The following SPIDR variants were observed in gnomAD, a reference collection of about 807,000 sequenced individuals.
SPIDR encodes the protein scaffold protein involved in DNA repair.
A neutral mutation model predicts 104.6 loss-of-function variants in SPIDR; 93 were observed. The observed-to-expected ratio is 0.89, with a 90% CI of 0.75 to 1.06. The LOEUF (loss-of-function observed/expected upper bound fraction) is 1.06. Ranked by LOEUF, SPIDR falls within the 50% of genes least tolerant of loss-of-function variation. SPIDR has a pLI of 0.00. For synonymous variants in SPIDR, 431 were observed against 416.9 expected, an observed-to-expected ratio of 1.03 and a Z score of -0.41; for missense variants, 1,154 against 1,111.2, an observed-to-expected ratio of 1.04 and a Z score of -0.55.
intron 5 of SPIDR, among the ~76,000 whole-genome samples, chr8:47,333,012 C>G (rs751074995): frequency 2.7e-5 from 4 of 150,694 alleles, no homozygotes; most frequent in Non-Finnish European, 5.9e-5. Flanking sequence ...TAATTAGATC[C>G]CATTTGTCAA....
intron 8 of SPIDR, among the ~76,000 whole-genome samples, chr8:47,502,077 A>G (rs2080568330): frequency 6.6e-6 from 1 of 152,122 alleles, no homozygotes; most frequent in South Asian, 2.1e-4. Context: ...GTCGATGTGC[A>G]TCAAGGATAT....
Position 47,514,143 on chromosome 8 carries a change from G to A in SPIDR, c.1097+73601G>A, listed in dbSNP as rs534183125. On this transcript the variant is annotated intron_variant, in intron 8 of 19. Coordinates refer to ENST00000297423, the MANE Select transcript of SPIDR (RefSeq NM_001080394.4). ...CTGACAGGAGTACAGAGAAAAACTA[G>A]CATTTGTTGCCTTTAATATGCCTGC... is the stretch of plus-strand genomic sequence containing the variant. Among the ~76,000 whole-genome samples the A allele has an allele frequency of 3.3e-5, 5 of 152,226 alleles. No individual in the cohort carries two copies. The South Asian group carries it at 8.3e-4, about 25-fold the overall frequency.
intron 5 of SPIDR, among the ~76,000 whole-genome samples, chr8:47,302,957 C>G (rs1554578734): frequency 6.6e-6 from 1 of 152,344 alleles, no homozygotes; most frequent in Non-Finnish European, 1.5e-5. Context: ...GGGAGAACCA[C>G]TACTCTCTTC....
intron 5 of SPIDR, among the ~76,000 whole-genome samples, chr8:47,300,910 G>C (rs1554576890): frequency 6.6e-4 from 100 of 152,270 alleles, no homozygotes; most frequent in Non-Finnish European, 1.2e-3. Context: ...GTACTGAGAA[G>C]AATGTGTATT....
chr8:47,548,553 CA>C lies in SPIDR; in HGVS notation c.1098-47257del, dbSNP rs1355930432. 2.0e-5 allele frequency among the ~76,000 whole-genome samples: 3 copies of C among 152,212 alleles called. No homozygotes were observed. The East Asian group carries it at 5.8e-4, about 29-fold the overall frequency. Reference sequence around the variant, plus strand: ...ATCCCAGCTACTCGGGAGGCTGAGGCAGGAGAATCACTTGAACCTGGGAGGC... The same window carrying C: ...ATCCCAGCTACTCGGGAGGCTGAGGCGGAGAATCACTTGAACCTGGGAGGC... On this transcript the variant is annotated intron_variant, in intron 8 of 19. Transcript: ENST00000297423.
chr8:47,571,303 A>G (rs988305288), intron 8 of SPIDR, among the ~76,000 whole-genome samples: 2 of 152,202 alleles, frequency 1.3e-5, no homozygotes, highest in Admixed American at 6.5e-5. Flanking sequence ...AAGCATACAC[A>G]TAGAACATGT....
At chr8:47,373,330 G>C (rs1367247864) in intron 5 of SPIDR, among the ~76,000 whole-genome samples, 1 of 152,076 alleles carries the variant, frequency 6.6e-6, no homozygotes, top group Non-Finnish European at 1.5e-5. Flanking sequence ...AAACATTTCT[G>C]ATCCAAGCAA....
At chr8:47,659,829 CT>C in intron 10 of SPIDR, 1 of 646,740 alleles carries the variant, frequency 1.5e-6, no homozygotes, top group Non-Finnish European at 1.9e-6. Flanking sequence ...CTTTGTTGAT[CT>C]TTAGAGGCTG....
At chr8:47,476,756 C>T (rs1276413069) in intron 8 of SPIDR, among the ~76,000 whole-genome samples, 1 of 152,182 alleles carries the variant, frequency 6.6e-6, no homozygotes, top group African/African-American at 2.4e-5. Context: ...TACCAGGATT[C>T]ACAGAATGCA....
intron 8 of SPIDR, among the ~76,000 whole-genome samples, chr8:47,466,748 A>G (rs1346349744): frequency 6.6e-6 from 1 of 151,536 alleles, no homozygotes; most frequent in Non-Finnish European, 1.5e-5. Context: ...ACCTGGCATC[A>G]CAACTAAAAG....
intron 7 of SPIDR, among the ~76,000 whole-genome samples, chr8:47,422,584 CG>C (rs1563930946): frequency 6.6e-6 from 1 of 152,254 alleles, no homozygotes; most frequent in African/African-American, 2.4e-5. Flanking sequence ...CGCCCTGCTT[CG>C]GCTCACGCTC....
chr8:47,494,158 T>C lies in SPIDR; in HGVS notation c.1097+53616T>C, dbSNP rs1433558527. ...CATGTGCCACCATGCCTGGCTAGTT[T>C]TTAAATTTTTCATGGAAATGGGGGT... On this transcript the variant is annotated intron_variant, in intron 8 of 19. Transcript: ENST00000297423. Among the ~76,000 whole-genome samples, 3 of 150,920 alleles carry C rather than the reference T, an allele frequency of 2.0e-5. No individual in the cohort carries two copies. In the East Asian group the frequency reaches 5.8e-4, roughly 29 times the overall value.
At chr8:47,672,226 G>A (rs1198100769) in intron 10 of SPIDR, among the ~76,000 whole-genome samples, 2 of 152,338 alleles carry the variant, frequency 1.3e-5, no homozygotes, top group African/African-American at 4.8e-5. Flanking sequence ...CTACCAAAGT[G>A]CTGGGATTAC....
Position 47,407,351 on chromosome 8 carries a change from A to G in SPIDR, c.777-510A>G, listed in dbSNP as rs556115543. On this transcript the variant is annotated intron_variant, in intron 6 of 19. Transcript: ENST00000297423. ...CCAAGTGCTCTTATTTGAGTGTTCTATCAACAGTTGGCAAAGTTATTCTTG... is the reference window on the plus strand; with the variant it reads ...CCAAGTGCTCTTATTTGAGTGTTCTGTCAACAGTTGGCAAAGTTATTCTTG... Among the ~76,000 whole-genome samples the G allele has an allele frequency of 1.1e-4, 16 of 152,306 alleles. No homozygotes were observed. The East Asian group carries it at 1.4e-3, about 13-fold the overall frequency.
intron 11 of SPIDR, among the ~76,000 whole-genome samples, chr8:47,686,166 T>A (rs1369508966): frequency 1.3e-5 from 2 of 152,210 alleles, no homozygotes; most frequent in Non-Finnish European, 2.9e-5. Context: ...TCTGAAAGCA[T>A]CTGTTGTGGA....
chr8:47,714,633 C>T (rs1485855837), intron 16 of SPIDR, among the ~76,000 whole-genome samples: 1 of 152,202 alleles, frequency 6.6e-6, no homozygotes, highest in African/African-American at 2.4e-5. Context: ...CCAGGAGACA[C>T]AGCTGCCCGC....
At chr8:47,429,238 TA>T (rs1187282894) in intron 7 of SPIDR, among the ~76,000 whole-genome samples, 46 of 152,342 alleles carry the variant, frequency 3.0e-4, no homozygotes, top group African/African-American at 1.1e-3. Context: ...TGGTGGGACC[TA>T]GAAATAGAGG....
At chr8:47,682,361 T>C (rs1193306729) in intron 11 of SPIDR, among the ~76,000 whole-genome samples, 1 of 151,770 alleles carries the variant, frequency 6.6e-6, no homozygotes, top group African/African-American at 2.4e-5. Flanking sequence ...GCAGATGGGC[T>C]GCCAGGGCCT....
intron 8 of SPIDR, among the ~76,000 whole-genome samples, chr8:47,489,570 C>T (rs2078308634): frequency 6.6e-6 from 1 of 152,178 alleles, no homozygotes; most frequent in African/African-American, 2.4e-5. Context: ...AAGAACAAAG[C>T]TGGAAGCATC....
Sources: allele counts gnomAD v4.1 joint callset (sites outside exome capture counted in the v4.1 genomes callset), GRCh38; gene constraint gnomAD v4.1.1; transcripts MANE v1.5; gene names NCBI Gene and HGNC (gene_info 2026-07-23, HGNC 2026-07-21).